Variants in LTBP1 observed in about 807,000 individuals in gnomAD.
LTBP1 encodes the protein latent transforming growth factor beta binding protein 1, also known as latent-transforming growth factor beta-binding protein 1.
LTBP1 carries 129 observed loss-of-function variants against 207.6 expected under a neutral mutation model. That is an observed-to-expected ratio of 0.62 (90% CI 0.54 to 0.72). LTBP1 has a LOEUF of 0.72. LTBP1 is among the 30% of genes least tolerant of loss of function. The probability of loss-of-function intolerance (pLI) is 0.00; values close to 1 mark genes in which losing one functional copy is unlikely to be tolerated. For synonymous variants in LTBP1, 963 were observed against 833.7 expected (o/e 1.16, Z -2.67); for missense variants, 2,281 against 2,217.2 (o/e 1.03, Z -0.58).
In LTBP1 at chr2:33,121,159, CTTTTTTTTTTTT is replaced by C. The variant is rs61065486; in HGVS notation, c.1033+10421_1033+10432del. ...TCAGTGGAAATAAATTTTGTAAAGT[CTTTTTTTTTTTT>C]TTTTTTTTTTTTAGTTTCTTACATT... On this transcript the variant is annotated intron_variant, in intron 4 of 33. Coordinates refer to ENST00000404816, the MANE Select transcript of LTBP1 (RefSeq NM_206943.4). 4.1e-3 allele frequency among the ~76,000 whole-genome samples: 358 copies of C among 87,554 alleles called. 2 individuals are homozygous for C. The highest frequency in any genetic ancestry group is 6.3e-3 in the Non-Finnish European group (308 of 49,078). The allele number at this position is 87,554 out of a possible 152,430, so 57.4% of individuals were successfully genotyped here. A position where few individuals can be genotyped will look rare whatever the true frequency, so the allele number is the denominator to read the frequency against.
chr2:33,177,912 A>G (rs1428035161), intron 5 of LTBP1, among the ~76,000 whole-genome samples: 2 of 152,164 alleles, frequency 1.3e-5, no homozygotes, highest in Non-Finnish European at 2.9e-5. Flanking sequence ...GGCATAGATA[A>G]TGTAATGATC....
At chr2:33,073,957 A>T (rs1012302874) in intron 3 of LTBP1, among the ~76,000 whole-genome samples, 1 of 152,168 alleles carries the variant, frequency 6.6e-6, no homozygotes, top group African/African-American at 2.4e-5. Flanking sequence ...TTCAAGCAGG[A>T]GATGTGAAAC....
chr2:33,010,270 G>A (rs1687489528), intron 2 of LTBP1, among the ~76,000 whole-genome samples: 1 of 152,214 alleles, frequency 6.6e-6, no homozygotes, highest in Admixed American at 6.5e-5. Flanking sequence ...GATGCACAAG[G>A]CTGATTGAAG....
intron 26 of LTBP1, among the ~76,000 whole-genome samples, chr2:33,354,725 CACA>C (rs1559058214): frequency 0.021 from 2,874 of 135,508 alleles, 40 homozygotes; most frequent in Middle Eastern, 0.03. Context: ...CACACACACA[CACA>C]CCATTGTATC....
chr2:32,991,604 A>G (rs1684427428), intron 2 of LTBP1, among the ~76,000 whole-genome samples: 1 of 152,230 alleles, frequency 6.6e-6, no homozygotes, highest in African/African-American at 2.4e-5. Flanking sequence ...GTTAAGTGAC[A>G]TGGGTAAAGT....
chr2:33,349,803 A>G (rs956239231), intron 26 of LTBP1, among the ~76,000 whole-genome samples: 1 of 152,244 alleles, frequency 6.6e-6, no homozygotes, highest in Non-Finnish European at 1.5e-5. Context: ...GTAATATTTA[A>G]TTAAATTATG....
At chr2:33,118,172 C>T (rs1282932214) in intron 4 of LTBP1, among the ~76,000 whole-genome samples, 2 of 145,428 alleles carry the variant, frequency 1.4e-5, no homozygotes, top group Non-Finnish European at 3.0e-5. Flanking sequence ...TACATGGAGA[C>T]TACCTTTAAC....
chr2:33,252,839 G>A lies in LTBP1; in HGVS notation c.2162G>A (p.Gly721Asp), dbSNP rs993773496. Reference sequence around the variant, plus strand: ...CACTGTGAGAAATGTCCCCTTCCAGGCACAGGTAAGACATGCCCAGCTGTA... The same window carrying A: ...CACTGTGAGAAATGTCCCCTTCCAGACACAGGTAAGACATGCCCAGCTGTA... Reference protein sequence around the residue: ...GPHCEKCPLPGTAAFKEICPG... With the variant: ...GPHCEKCPLPDTAAFKEICPG... Residue 721 changes from glycine (G) to aspartate (D), a missense_variant, in exon 11 of 34, where the codon GGC becomes GAC. Gly to Asp is a moderately conservative substitution (Grantham distance 94). Transcript: ENST00000404816. 22 of 1,603,846 alleles carry A rather than the reference G, an allele frequency of 1.4e-5. No homozygotes were observed. Among genetic ancestry groups the A allele is most frequent in the Non-Finnish European group, 1.8e-5 (21 of 1,173,140 alleles).
Position 33,278,573 on chromosome 2 carries a change from T to G in LTBP1, c.2993-1466T>G, listed in dbSNP as rs565806313. Among the ~76,000 whole-genome samples the G allele has an allele frequency of 5.9e-5, 9 of 152,276 alleles. No individual in the cohort carries two copies. In the South Asian group the frequency reaches 1.9e-3, roughly 32 times the overall value. The stretch of plus-strand genomic sequence containing the variant: ...TGTTAAGGTATTATAAGGCAGGTAG[T>G]TCCTAATTTATAGAAGAGGGGAAAA... On this transcript the variant is annotated intron_variant, in intron 18 of 33. Coordinates refer to ENST00000404816, the MANE Select transcript of LTBP1 (RefSeq NM_206943.4).
intron 2 of LTBP1, among the ~76,000 whole-genome samples, chr2:32,976,274 C>T (rs970034094): frequency 2.0e-5 from 3 of 152,170 alleles, no homozygotes; most frequent in Admixed American, 1.3e-4. Flanking sequence ...GGTCCACTGA[C>T]CTCAGTACTC....
intron 22 of LTBP1, among the ~76,000 whole-genome samples, 165 bp downstream of exon 22, chr2:33,301,809 G>A (rs2149010468): frequency 6.6e-6 from 1 of 152,306 alleles, no homozygotes; most frequent in South Asian, 2.1e-4. Context: ...TTCAAAGAAG[G>A]GAGTAGAGTC....
intron 2 of LTBP1, among the ~76,000 whole-genome samples, chr2:32,992,434 T>A (rs1209861520): frequency 6.6e-6 from 1 of 152,072 alleles, no homozygotes; most frequent in Non-Finnish European, 1.5e-5. Context: ...ATGGGAAACA[T>A]GAGTTTGTCC....
At chr2:33,204,301 G>A (rs935478871) in intron 7 of LTBP1, among the ~76,000 whole-genome samples, 3 of 151,884 alleles carry the variant, frequency 2.0e-5, no homozygotes, top group African/African-American at 7.3e-5. Flanking sequence ...ATGAGACTGT[G>A]CATTTACTCT....
chr2:33,280,004 T>A, intron 18 of LTBP1, 35 bp from the exon 19 acceptor site: 1 of 1,610,946 alleles, frequency 6.2e-7, no homozygotes, highest in Non-Finnish European at 8.5e-7. Context: ...GGTATTCTGA[T>A]AAAATGTTCA....
At chr2:33,237,873 A>T (rs1045135195) in intron 9 of LTBP1, among the ~76,000 whole-genome samples, 1 of 152,178 alleles carries the variant, frequency 6.6e-6, no homozygotes, top group Non-Finnish European at 1.5e-5. Context: ...GGAAAGGAAG[A>T]TTGGCAAATA....
chr2:33,063,548 A>G (rs1429656083), intron 3 of LTBP1, among the ~76,000 whole-genome samples: 1 of 152,192 alleles, frequency 6.6e-6, no homozygotes, highest in African/African-American at 2.4e-5. Context: ...TTTTAAATGA[A>G]TTAATATTTT....
intron 2 of LTBP1, among the ~76,000 whole-genome samples, chr2:32,957,671 A>G (rs185781656): frequency 6.6e-6 from 1 of 152,346 alleles, no homozygotes; most frequent in East Asian, 1.9e-4. Flanking sequence ...AGAATGTGAC[A>G]CAGAGACAGA....
At chr2:33,113,271 C>T (rs565000971) in intron 4 of LTBP1, among the ~76,000 whole-genome samples, 1 of 152,150 alleles carries the variant, frequency 6.6e-6, no homozygotes, top group South Asian at 2.1e-4. Context: ...ATACCTTGAG[C>T]TCTAAGCACT....
intron 5 of LTBP1, among the ~76,000 whole-genome samples, chr2:33,146,231 G>T (rs1336636198): frequency 6.6e-6 from 1 of 152,218 alleles, no homozygotes; most frequent in Non-Finnish European, 1.5e-5. Context: ...GGATGCAGCA[G>T]CAACAGCCAC....
Sources: allele counts gnomAD v4.1 joint callset (sites outside exome capture counted in the v4.1 genomes callset), GRCh38; gene constraint gnomAD v4.1.1; transcripts MANE v1.5; gene names NCBI Gene and HGNC (gene_info 2026-07-23, HGNC 2026-07-21).